KLRG1: variants seen among roughly 807,000 people sequenced by gnomAD.
KLRG1 encodes the protein killer cell lectin-like receptor subfamily G member 1.
A neutral mutation model predicts 21.8 loss-of-function variants in KLRG1; 16 were observed. That is an observed-to-expected ratio of 0.73 (90% CI 0.50 to 1.11). The LOEUF (loss-of-function observed/expected upper bound fraction) is 1.11. Ranked by LOEUF, KLRG1 falls within the 50% of genes most tolerant of loss-of-function variation. The pLI is 0.00. For synonymous variants in KLRG1, 69 were observed against 75.9 expected (o/e 0.91, Z 0.47); for missense variants, 173 against 218.3 (o/e 0.79, Z 1.31).
the KLRG1 span, chr12:9,057,510 A>G: frequency 2.3e-4 from 35 of 152,672 alleles, no homozygotes; most frequent in African/African-American, 7.9e-4. Flanking sequence ...CTAAATCTAT[A>G]TAAAGTAAAA....
At chr12:8,952,037 A>G (rs989794815) in intron 1 of KLRG1, among the ~76,000 whole-genome samples, 4 of 152,194 alleles carry the variant, frequency 2.6e-5, no homozygotes, top group African/African-American at 9.7e-5. Flanking sequence ...AACTGAGCTC[A>G]AGGTTCTTGC....
chr12:9,099,165 T>C, the KLRG1 span, among the ~76,000 whole-genome samples: 1 of 152,146 alleles, frequency 6.6e-6, no homozygotes, highest in Non-Finnish European at 1.5e-5. Context: ...CTGAACTGTG[T>C]AATTGGTAAG....
At chr12:9,081,579 A>C in the KLRG1 span, among the ~76,000 whole-genome samples, 3 of 152,240 alleles carry the variant, frequency 2.0e-5, no homozygotes, top group African/African-American at 7.2e-5. Flanking sequence ...TACATTGTTC[A>C]TAGAACTGAG....
the KLRG1 span, among the ~76,000 whole-genome samples, chr12:9,032,408 T>C: frequency 6.6e-6 from 1 of 152,292 alleles, no homozygotes; most frequent in East Asian, 1.9e-4. Context: ...AAAACTGACA[T>C]AGTTGACTCC....
the KLRG1 span, among the ~76,000 whole-genome samples, chr12:9,074,088 A>T: frequency 1.6e-3 from 29 of 17,938 alleles, no homozygotes; most frequent in Admixed American, 0.013. Flanking sequence ...ACTCTGTCTT[A>T]AAAAAAAAAA....
the KLRG1 span, among the ~76,000 whole-genome samples, chr12:9,053,356 C>G: frequency 2.0e-5 from 3 of 152,048 alleles, no homozygotes; most frequent in Non-Finnish European, 1.5e-5. Context: ...AAATTAATGG[C>G]TAAGAATGGG....
chr12:8,968,988 T>C (rs1417583615), intron 1 of KLRG1, among the ~76,000 whole-genome samples: 1 of 152,228 alleles, frequency 6.6e-6, no homozygotes, highest in Non-Finnish European at 1.5e-5. Context: ...TTTAGCATTA[T>C]GCTAAAATTT....
At chr12:9,198,277 A>T in the KLRG1 span, among the ~76,000 whole-genome samples, 1 of 152,002 alleles carries the variant, frequency 6.6e-6, no homozygotes, top group African/African-American at 2.4e-5. Flanking sequence ...ACATAAGCCC[A>T]GGAGTTTGAG....
At chr12:9,091,242 G>A in the KLRG1 span, 5 of 1,614,192 alleles carry the variant, frequency 3.1e-6, no homozygotes, top group Non-Finnish European at 4.2e-6. Flanking sequence ...GTGGCCTTGA[G>A]TGTGAAGGCC....
the KLRG1 span, among the ~76,000 whole-genome samples, chr12:9,213,936 C>T: frequency 1.3e-5 from 2 of 151,922 alleles, no homozygotes; most frequent in East Asian, 1.9e-4. Flanking sequence ...ACCTATGTCT[C>T]CTCCTAGGAG....
chr12:8,989,345 T>G (rs1040603171), upstream of KLRG1, among the ~76,000 whole-genome samples: 4 of 152,238 alleles, frequency 2.6e-5, no homozygotes, highest in African/African-American at 9.6e-5. Flanking sequence ...CTGAAATTGC[T>G]GGACTTGAGA....
chr12:9,148,112 T>C, the KLRG1 span, among the ~76,000 whole-genome samples: 1,009 of 152,312 alleles, frequency 6.6e-3, 13 homozygotes, highest in African/African-American at 0.023. Context: ...TTAGAAATTA[T>C]TTTAAGCAGA....
At chr12:9,110,405 C>G in the KLRG1 span, 1 of 993,460 alleles carries the variant, frequency 1.0e-6, no homozygotes. Context: ...ATAAGCAAAG[C>G]AGCTAGTATT....
At chr12:9,015,160 T>C (rs1486757896), downstream of KLRG1, among the ~76,000 whole-genome samples, 2 of 151,940 alleles carry the variant, frequency 1.3e-5, no homozygotes, top group Non-Finnish European at 2.9e-5. Context: ...GTATGTTTTA[T>C]CAATAACAAT....
the KLRG1 span, chr12:9,202,542 T>C: frequency 6.2e-7 from 1 of 1,614,170 alleles, no homozygotes; most frequent in South Asian, 1.1e-5. Flanking sequence ...TCCTGGTTTA[T>C]ACATGGGTTT....
intron 1 of KLRG1, among the ~76,000 whole-genome samples, chr12:8,956,623 T>G (rs1350742162): frequency 6.6e-6 from 1 of 152,046 alleles, no homozygotes; most frequent in Non-Finnish European, 1.5e-5. Context: ...TTTGTTGTAT[T>G]TTTAGTAGAG....
the KLRG1 span, among the ~76,000 whole-genome samples, chr12:9,129,125 C>G: frequency 6.6e-6 from 1 of 152,132 alleles, no homozygotes; most frequent in East Asian, 1.9e-4. Context: ...TTACTCAAAA[C>G]CTACACAGGC....
At chr12:9,102,661 T>C in the KLRG1 span, among the ~76,000 whole-genome samples, 5 of 152,214 alleles carry the variant, frequency 3.3e-5, no homozygotes, top group East Asian at 9.6e-4. Context: ...CAGCTCCCAA[T>C]AGCACTAGTG....
At chr12:9,138,610 T>C in the KLRG1 span, among the ~76,000 whole-genome samples, 1 of 152,046 alleles carries the variant, frequency 6.6e-6, no homozygotes, top group African/African-American at 2.4e-5. Flanking sequence ...AGAATCTACC[T>C]GTGAAGCTAT....
Sources: allele counts gnomAD v4.1 joint callset (sites outside exome capture counted in the v4.1 genomes callset), GRCh38; gene constraint gnomAD v4.1.1; transcripts MANE v1.5; gene names NCBI Gene and HGNC (gene_info 2026-07-23, HGNC 2026-07-21).